The following SUCLG2 variants were observed in gnomAD, a reference collection of about 807,000 sequenced individuals.
SUCLG2 encodes succinate-CoA ligase GDP-forming subunit beta, also known as succinate--CoA ligase [GDP-forming] subunit beta, mitochondrial.
A neutral mutation model predicts 47.9 loss-of-function variants in SUCLG2; 42 were observed. The ratio of observed to expected loss-of-function variants is 0.88; its 90% CI spans 0.69 to 1.14. SUCLG2 has a LOEUF of 1.14. Ranked by LOEUF, SUCLG2 falls within the 50% of genes most tolerant of loss-of-function variation. The probability of loss-of-function intolerance (pLI) is 0.00; values close to 1 mark genes in which losing one functional copy is unlikely to be tolerated. For synonymous variants in SUCLG2, 195 were observed against 197.3 expected (o/e 0.99, Z 0.10); for missense variants, 571 against 525.9 (o/e 1.09, Z -0.84).
intron 2 of SUCLG2, among the ~76,000 whole-genome samples, chr3:67,594,725 C>T (rs1160968177): frequency 6.6e-6 from 1 of 152,150 alleles, no homozygotes; most frequent in Non-Finnish European, 1.5e-5. Flanking sequence ...AATCCCTTAG[C>T]CTGGTACCTT....
At chr3:67,609,640 A>G (rs1278094385) in intron 1 of SUCLG2, 44 bp from the exon 2 acceptor site, 2 of 1,587,726 alleles carry the variant, frequency 1.3e-6, no homozygotes, top group Admixed American at 3.5e-5. Flanking sequence ...CATTAATAGC[A>G]AGAAAAATAA....
intron 1 of SUCLG2, among the ~76,000 whole-genome samples, chr3:67,638,848 C>T (rs1189749170): frequency 1.3e-5 from 2 of 152,148 alleles, no homozygotes; most frequent in Admixed American, 1.3e-4. Flanking sequence ...TGGAGATTTC[C>T]AATTTTTGCC....
chr3:67,506,505 T>C (rs538148625), intron 7 of SUCLG2, among the ~76,000 whole-genome samples: 2 of 152,300 alleles, frequency 1.3e-5, no homozygotes, highest in South Asian at 4.1e-4. Context: ...GACTCTTCCA[T>C]TCTCTTAATA....
chr3:67,639,759 C>T (rs2107366630), intron 1 of SUCLG2, among the ~76,000 whole-genome samples: 1 of 152,202 alleles, frequency 6.6e-6, no homozygotes, highest in South Asian at 2.1e-4. Flanking sequence ...TTCTCTAAAC[C>T]CCTTTGAGTT....
intron 9 of SUCLG2, among the ~76,000 whole-genome samples, chr3:67,410,369 C>T (rs1702907999): frequency 6.6e-6 from 1 of 152,080 alleles, no homozygotes; most frequent in Non-Finnish European, 1.5e-5. Flanking sequence ...CAGGTATTAA[C>T]AGGATTTTCA....
intron 6 of SUCLG2, among the ~76,000 whole-genome samples, chr3:67,509,960 G>T (rs1223748038): frequency 6.6e-6 from 1 of 152,140 alleles, no homozygotes; most frequent in Non-Finnish European, 1.5e-5. Flanking sequence ...GGTGAGAGAT[G>T]GAGGTGGGAA....
chr3:67,589,922 T>G (rs961779008), intron 2 of SUCLG2, among the ~76,000 whole-genome samples: 1 of 152,242 alleles, frequency 6.6e-6, no homozygotes, highest in African/African-American at 2.4e-5. Context: ...AAGGTATGTT[T>G]GTCAGGGCAA....
intron 2 of SUCLG2, among the ~76,000 whole-genome samples, chr3:67,537,359 T>G (rs1706572533): frequency 6.6e-6 from 1 of 152,138 alleles, no homozygotes; most frequent in East Asian, 1.9e-4. Context: ...TGAGAATGAT[T>G]GTTTCCAGCT....
chr3:67,519,733 G>T (rs555998188), intron 5 of SUCLG2, among the ~76,000 whole-genome samples: 15 of 152,262 alleles, frequency 9.9e-5, no homozygotes, highest in African/African-American at 3.4e-4. Flanking sequence ...CAAGAACCCA[G>T]ATTAAAAACT....
chr3:67,379,700 C>G (rs1028082471), intron 10 of SUCLG2, among the ~76,000 whole-genome samples: 6 of 152,230 alleles, frequency 3.9e-5, no homozygotes, highest in Non-Finnish European at 7.3e-5. Context: ...GGGCTTTCCA[C>G]CCAGAGCTCT....
intron 9 of SUCLG2, among the ~76,000 whole-genome samples, chr3:67,428,777 C>A (rs148214768): frequency 0.1 from 15,828 of 152,122 alleles, 1,062 homozygotes; most frequent in East Asian, 0.19. Context: ...GAGCTGAAAA[C>A]CATGGCATGA....
chr3:67,365,549 A>G (rs942637263), intron 10 of SUCLG2, among the ~76,000 whole-genome samples: 5 of 152,184 alleles, frequency 3.3e-5, no homozygotes, highest in African/African-American at 1.2e-4. Context: ...CCATTGTTCA[A>G]TATTTTTGTG....
intron 2 of SUCLG2, among the ~76,000 whole-genome samples, chr3:67,551,147 A>T (rs923828005): frequency 1.3e-5 from 2 of 152,290 alleles, no homozygotes; most frequent in East Asian, 3.9e-4. Flanking sequence ...AAATGTGCTC[A>T]TGGTTGATGA....
intron 9 of SUCLG2, among the ~76,000 whole-genome samples, chr3:67,418,024 G>C (rs1487295081): frequency 6.6e-6 from 1 of 152,186 alleles, no homozygotes; most frequent in Non-Finnish European, 1.5e-5. Context: ...ACATGATCCT[G>C]ACTTCGAGGA....
intron 4 of SUCLG2, among the ~76,000 whole-genome samples, chr3:67,522,488 A>C (rs773197692): frequency 5.9e-5 from 9 of 152,004 alleles, no homozygotes; most frequent in Non-Finnish European, 1.0e-4. Context: ...TAAACTGTGA[A>C]TATTTAAAAT....
intron 9 of SUCLG2, among the ~76,000 whole-genome samples, chr3:67,432,135 G>T (rs1703499796): frequency 6.6e-6 from 1 of 152,202 alleles, no homozygotes; most frequent in South Asian, 2.1e-4. Context: ...TGGGAGGCTA[G>T]ATGGGAGGCT....
rs540096971 is a variant in SUCLG2, at chr3:67,442,333, A to T, written c.1063-41482T>A. Among the ~76,000 whole-genome samples the T allele has an allele frequency of 5.9e-5, 9 of 152,248 alleles. No individual in the cohort carries two copies. In the East Asian group the frequency reaches 1.5e-3, roughly 26 times the overall value. On this transcript the variant is annotated intron_variant, in intron 9 of 10. Transcript: ENST00000307227. Reference sequence around the variant, plus strand: ...CCAGGCTGTCTACTTTCAAATCACAACTGAAATCCCCAGAACAGTGGTTCT... The same window carrying T: ...CCAGGCTGTCTACTTTCAAATCACATCTGAAATCCCCAGAACAGTGGTTCT...
At chr3:67,380,007 C>T (rs544499279) in intron 10 of SUCLG2, among the ~76,000 whole-genome samples, 2 of 152,232 alleles carry the variant, frequency 1.3e-5, no homozygotes, top group Non-Finnish European at 2.9e-5. Flanking sequence ...ACGTGCTGAC[C>T]GACGGGGTAA....
chr3:67,398,070 G>T (rs1702588717), intron 10 of SUCLG2, among the ~76,000 whole-genome samples: 1 of 150,328 alleles, frequency 6.7e-6, no homozygotes, highest in Admixed American at 6.7e-5. Context: ...AAAAACCCTA[G>T]AAGAAAACCT....
Sources: allele counts gnomAD v4.1 joint callset (sites outside exome capture counted in the v4.1 genomes callset), GRCh38; gene constraint gnomAD v4.1.1; transcripts MANE v1.5; gene names NCBI Gene and HGNC (gene_info 2026-07-23, HGNC 2026-07-21).